Variants in FBXO22 observed in about 807,000 individuals in gnomAD.
The protein encoded by FBXO22 is F-box only protein 22.
FBXO22 carries 13 observed loss-of-function variants against 37.2 expected under a neutral mutation model. The ratio of observed to expected loss-of-function variants is 0.35; its 90% CI spans 0.23 to 0.56. FBXO22 has a LOEUF of 0.56. Among genes scored for constraint, FBXO22 ranks in the 20% least tolerant of loss-of-function variants. The pLI is 0.87. For missense variants in FBXO22, 446 were observed against 509.9 expected (o/e 0.87, Z 1.21); for synonymous variants, 189 against 189.1 (o/e 1.00, Z 0.00).
At chr15:75,905,502 C>G (rs1250767837) in intron 2 of FBXO22, 1 of 152,186 alleles carries the variant, frequency 6.6e-6, no homozygotes, top group Admixed American at 6.5e-5. Flanking sequence ...GTACGGCTTA[C>G]AGACAGACAT....
chr15:75,917,260 C>T lies in FBXO22; in HGVS notation c.494C>T (p.Pro165Leu). Residue 165 changes from proline (P) to leucine (L), a missense_variant, in exon 5 of 7, where the codon CCT becomes CTT. This residue lies in a region of FBXO22 where 315 missense variants were observed against 410.1 expected (regional missense o/e 0.77). Transcript: ENST00000308275. Reference protein sequence around the residue: ...VTPMGSGSNRPQEIEIGESGF... With the variant: ...VTPMGSGSNRLQEIEIGESGF... Reference sequence around the variant, plus strand: ...CCAATGGGATCAGGTAGCAATCGACCTCAGGAAATAGAAATTGGAGAATCT... The same window carrying T: ...CCAATGGGATCAGGTAGCAATCGACTTCAGGAAATAGAAATTGGAGAATCT... 6.2e-7 allele frequency: 1 copy of T among 1,612,572 alleles called. No homozygotes were observed. The highest frequency in any genetic ancestry group is 8.5e-7 in the Non-Finnish European group (1 of 1,179,468).
chr15:75,917,403 C>A lies in FBXO22; in HGVS notation c.628+9C>A. ...TCAACTCACTGAAGTAGGTAAGTTA[C>A]TTTTATTTATCATTAACTGCTCATT... is the stretch of plus-strand genomic sequence containing the variant. On this transcript the variant is annotated intron_variant, in intron 5 of 6. Transcript: ENST00000308275. 6.5e-7 allele frequency: 1 copy of A among 1,546,430 alleles called. No individual in the cohort carries two copies. The highest frequency in any genetic ancestry group is 8.8e-7 in the Non-Finnish European group (1 of 1,136,566).
intron 5 of FBXO22, 69 bp downstream of exon 5, chr15:75,917,463 C>G (rs1595914338): frequency 2.5e-6 from 3 of 1,182,262 alleles, no homozygotes; most frequent in East Asian, 5.0e-5. Flanking sequence ...TTAATTCTGG[C>G]TAGTTGGTGG....
Position 75,939,102 on chromosome 15 carries a change from G to A in FBXO22, c.*6000G>A, listed in dbSNP as rs2030675465. On this transcript the variant is annotated 3_prime_UTR_variant, in exon 7 of 7. Transcript: ENST00000308275. Reference sequence around the variant, plus strand: ...AGATGGAAGGAAATAATAAAGATTAGAACAGATATAATAAATTGAATAAAG... The same window carrying A: ...AGATGGAAGGAAATAATAAAGATTAAAACAGATATAATAAATTGAATAAAG... 1 of 151,902 alleles carries A rather than the reference G, an allele frequency of 6.6e-6. No individual in the cohort carries two copies. The highest frequency in any genetic ancestry group is 6.6e-5 in the Admixed American group (1 of 15,250). 9.4% of individuals were successfully genotyped at this position (151,902 alleles called of 1,614,324 possible). A position where few individuals can be genotyped will look rare whatever the true frequency, so the allele number is the denominator to read the frequency against.
chr15:75,910,325 T>C (rs1900026578), intron 2 of FBXO22: 1 of 152,258 alleles, frequency 6.6e-6, no homozygotes, highest in Non-Finnish European at 1.5e-5. Context: ...TCTTTCTAGA[T>C]CCTTGAGGAA....
intron 2 of FBXO22, among the ~76,000 whole-genome samples, chr15:75,911,447 T>C (rs1049964755): frequency 6.6e-6 from 1 of 152,206 alleles, no homozygotes; most frequent in African/African-American, 2.4e-5. Flanking sequence ...CCTTGAGCAG[T>C]GGTATGTAGT....
At chr15:75,908,364 C>T (rs1312640254) in intron 2 of FBXO22, among the ~76,000 whole-genome samples, 1 of 151,790 alleles carries the variant, frequency 6.6e-6, no homozygotes, top group Non-Finnish European at 1.5e-5. Context: ...CCTCCACCTT[C>T]CTAGTTCAAG....
At position 75,904,533 on chromosome 15, in the gene FBXO22, G is replaced by C. The variant is rs544612400; in HGVS notation, c.183G>C (p.Arg61=). The C allele has an allele frequency of 5.6e-6, 9 of 1,613,950 alleles. No homozygotes were observed. The African/African-American group carries it at 1.2e-4, about 22-fold the overall frequency. Residue 61 remains arginine, a synonymous_variant, in exon 2 of 7, where the codon CGG becomes CGC. Coordinates refer to ENST00000308275, the MANE Select transcript of FBXO22 (RefSeq NM_147188.3). ...LWRECVRRVL[R]THRSVTWISA... Reference sequence around the variant, plus strand: ...GGGAGTGTGTGCGCAGAGTATTGCGGACCCATCGGAGCGTAACCTGGATCT... The same window carrying C: ...GGGAGTGTGTGCGCAGAGTATTGCGCACCCATCGGAGCGTAACCTGGATCT...
rs1293843282 is a variant in FBXO22, at chr15:75,933,782, C to A, written c.*680C>A. On this transcript the variant is annotated 3_prime_UTR_variant, in exon 7 of 7. Coordinates refer to ENST00000308275, the MANE Select transcript of FBXO22 (RefSeq NM_147188.3). ...TAACTGGTAGACCAGAGTATTACAT[C>A]ATCTTATTTTGGTTTTATACCAATA... The A allele has an allele frequency of 7.0e-6, 2 of 287,444 alleles. No individual in the cohort carries two copies. Among genetic ancestry groups the A allele is most frequent in the Non-Finnish European group, 1.4e-5 (2 of 146,068 alleles). The allele number at this position is 287,444 out of a possible 1,614,324, so 17.8% of individuals were successfully genotyped here.
At chr15:75,926,102 A>G (rs1567055602) in intron 5 of FBXO22, among the ~76,000 whole-genome samples, 1 of 152,314 alleles carries the variant, frequency 6.6e-6, no homozygotes, top group African/African-American at 2.4e-5. Context: ...TGCCTTATAA[A>G]TACTTTTCTG....
intron 6 of FBXO22, 93 bp downstream of exon 6, chr15:75,930,142 T>A: frequency 6.3e-7 from 1 of 1,592,478 alleles, no homozygotes. Context: ...AAAACGTGTT[T>A]AAAGAATTAT....
chr15:75,909,954 C>T (rs962742302), intron 2 of FBXO22, among the ~76,000 whole-genome samples: 48 of 152,174 alleles, frequency 3.2e-4, no homozygotes, highest in African/African-American at 1.1e-3. Context: ...GTGTGATGTT[C>T]CCTTCCCTGT....
intron 6 of FBXO22, 72 bp from the exon 7 acceptor site, chr15:75,932,613 A>G: frequency 7.2e-7 from 1 of 1,393,778 alleles, no homozygotes; most frequent in Non-Finnish European, 9.7e-7. Flanking sequence ...TCAGTGAATC[A>G]GGAGGATTTT....
At position 75,917,413 on chromosome 15, in the gene FBXO22, T is replaced by A. The variant is rs372505349; in HGVS notation, c.628+19T>A. On this transcript the variant is annotated intron_variant, in intron 5 of 6. Coordinates refer to ENST00000308275, the MANE Select transcript of FBXO22 (RefSeq NM_147188.3). ...GAAGTAGGTAAGTTACTTTTATTTATCATTAACTGCTCATTTTATTGATTA... is the reference window on the plus strand; with the variant it reads ...GAAGTAGGTAAGTTACTTTTATTTAACATTAACTGCTCATTTTATTGATTA... 76 of 1,507,160 alleles carry A rather than the reference T, an allele frequency of 5.0e-5. No homozygotes were observed. Among genetic ancestry groups the A allele is most frequent in the African/African-American group, 7.0e-5 (5 of 71,196 alleles). The allele number at this position is 1,507,160 out of a possible 1,614,324, so 93.4% of individuals were successfully genotyped here. A position where few individuals can be genotyped will look rare whatever the true frequency, so the allele number is the denominator to read the frequency against.
intron 5 of FBXO22, among the ~76,000 whole-genome samples, chr15:75,922,589 C>T (rs1175688970): frequency 2.0e-5 from 3 of 152,162 alleles, no homozygotes; most frequent in Admixed American, 6.5e-5. Flanking sequence ...AGGTTATGTG[C>T]AGGGAAGTCA....
rs1398509488 is a variant in FBXO22, at chr15:75,941,223, A to G, written c.*8121A>G. On this transcript the variant is annotated 3_prime_UTR_variant, in exon 7 of 7. Transcript: ENST00000308275. ...CAGTAAGGAAATGCAAATCAAAACC[A>G]CATTGAGATACCACTTCATACCCAC... 2.6e-5 allele frequency: 4 copies of G among 152,180 alleles called. No individual in the cohort carries two copies. The allele number at this position is 152,180 out of a possible 1,614,324, so 9.4% of individuals were successfully genotyped here. A position where few individuals can be genotyped will look rare whatever the true frequency, so the allele number is the denominator to read the frequency against.
At position 75,917,582 on chromosome 15, in the gene FBXO22, T is replaced by C. The variant is rs200200794; in HGVS notation, c.628+188T>C. Among the ~76,000 whole-genome samples the C allele has an allele frequency of 9.2e-5, 14 of 152,328 alleles. No homozygotes were observed. In the East Asian group the frequency reaches 2.7e-3, roughly 29 times the overall value. On this transcript the variant is annotated intron_variant, in intron 5 of 6. Transcript: ENST00000308275. The stretch of plus-strand genomic sequence containing the variant: ...CCAGTGTGATACATGTTTGGTAGAA[T>C]TGATTTACTTTTTAAATTATTTTAC...
In FBXO22 at chr15:75,917,423, C is replaced by T. The variant is rs566727463; in HGVS notation, c.628+29C>T. The T allele has an allele frequency of 1.7e-5, 25 of 1,469,482 alleles. No homozygotes were observed. The African/African-American group carries it at 3.4e-4, about 20-fold the overall frequency. 91.0% of individuals were successfully genotyped at this position (1,469,482 alleles called of 1,614,324 possible). On this transcript the variant is annotated intron_variant, in intron 5 of 6. Coordinates refer to ENST00000308275, the MANE Select transcript of FBXO22 (RefSeq NM_147188.3). ...AGTTACTTTTATTTATCATTAACTG[C>T]TCATTTTATTGATTAATTTTGTTTT...
At chr15:75,911,595 G>A (rs1900053281) in intron 2 of FBXO22, among the ~76,000 whole-genome samples, 1 of 152,066 alleles carries the variant, frequency 6.6e-6, no homozygotes, top group Admixed American at 6.6e-5. Context: ...AAATGCTTGT[G>A]ATTTCTGCAC....
Sources: gnomAD v4.1 joint callset for allele counts (sites outside exome capture counted in the v4.1 genomes callset) on GRCh38, gnomAD v4.1.1 for gene constraint, gnomAD v4.1.1 regional missense constraint, MANE v1.5 for transcripts, NCBI Gene and HGNC (gene_info 2026-07-23, HGNC 2026-07-21) for gene names.